The following TRIM49 variants were observed in gnomAD, a reference collection of about 807,000 sequenced individuals.
TRIM49 encodes tripartite motif-containing protein 49.
A neutral mutation model predicts 27.4 loss-of-function variants in TRIM49; 5 were observed. That is an observed-to-expected ratio of 0.18 (90% CI 0.10 to 0.38). TRIM49 has a LOEUF of 0.38. TRIM49 is among the 10% of genes least tolerant of loss of function. TRIM49 has a pLI of 1.00. For synonymous variants in TRIM49, 69 were observed against 166.0 expected (o/e 0.42, Z 4.49); for missense variants, 188 against 487.5 (o/e 0.39, Z 5.79).
the TRIM49 span, among the ~76,000 whole-genome samples, chr11:89,790,091 G>C: frequency 7.3e-6 from 1 of 136,854 alleles, no homozygotes; most frequent in Admixed American, 7.3e-5. Flanking sequence ...CTTAGCAAAC[G>C]GCACACCAGG....
chr11:89,806,676 A>T (rs2134648827), intron 2 of TRIM49, among the ~76,000 whole-genome samples: 1 of 146,154 alleles, frequency 6.8e-6, no homozygotes, highest in Non-Finnish European at 1.5e-5. Context: ...ACTATTTTGC[A>T]TCGCTCATCA....
At chr11:89,800,668 G>A (rs1015502297) in intron 6 of TRIM49, among the ~76,000 whole-genome samples, 2 of 150,312 alleles carry the variant, frequency 1.3e-5, no homozygotes, top group African/African-American at 2.5e-5. Context: ...GTGTGAACCC[G>A]GGAGGCGGAG....
downstream of TRIM49, among the ~76,000 whole-genome samples, chr11:89,793,870 T>A (rs654143): frequency 0.17 from 25,108 of 145,618 alleles, 124 homozygotes; most frequent in African/African-American, 0.3. Flanking sequence ...CCAACACAGT[T>A]TTGGAAGTTC....
intron 2 of TRIM49, among the ~76,000 whole-genome samples, chr11:89,804,910 G>T (rs1158337123): frequency 6.6e-6 from 1 of 150,624 alleles, no homozygotes; most frequent in Non-Finnish European, 1.5e-5. Context: ...ATGAGAAGAT[G>T]GTTCTATGAC....
chr11:89,775,394 CAA>C, the TRIM49 span, among the ~76,000 whole-genome samples: 9 of 77,784 alleles, frequency 1.2e-4, no homozygotes, highest in Non-Finnish European at 1.4e-4. Context: ...CAACAACAAC[CAA>C]AAAAAAAAAA....
Position 89,807,689 on chromosome 11 carries a change from T to C in TRIM49, c.-190-405A>G, listed in dbSNP as rs1208941146. ...GACTTTAGGCTCACACTATATCACC[T>C]GGCTAATTTTTTTTGTTGAAATTTT... On this transcript the variant is annotated intron_variant, in intron 1 of 7. Coordinates refer to ENST00000329758, the MANE Select transcript of TRIM49 (RefSeq NM_020358.2). 1.3e-4 allele frequency among the ~76,000 whole-genome samples: 19 copies of C among 151,044 alleles called. 1 individual carries two copies. The highest frequency in any genetic ancestry group is 4.4e-4 in the African/African-American group (18 of 40,500).
the TRIM49 span, chr11:89,786,868 C>T: frequency 2.4e-5 from 1 of 42,402 alleles, no homozygotes; most frequent in Admixed American, 2.6e-4. Context: ...GGCACGCTAT[C>T]ATCACCAACT....
At chr11:89,803,263 C>T (rs1238846076) in intron 4 of TRIM49, among the ~76,000 whole-genome samples, 1 of 145,062 alleles carries the variant, frequency 6.9e-6, no homozygotes, top group East Asian at 2.0e-4. Context: ...GTCACTTTTT[C>T]TGCCTCAAAT....
chr11:89,787,536 C>T, the TRIM49 span: 9 of 623,614 alleles, frequency 1.4e-5, 1 homozygote, highest in Admixed American at 1.8e-4. Context: ...CTGCCGGGGT[C>T]CTGGGGCTCT....
chr11:89,790,477 A>T, the TRIM49 span, among the ~76,000 whole-genome samples: 8 of 151,926 alleles, frequency 5.3e-5, no homozygotes, highest in Non-Finnish European at 1.0e-4. Flanking sequence ...GTCCCTGAGT[A>T]GCCTAACCAG....
the TRIM49 span, chr11:89,767,078 AG>A: frequency 2.1e-6 from 1 of 474,968 alleles, no homozygotes; most frequent in Non-Finnish European, 3.6e-6. Flanking sequence ...TTTCCACTGT[AG>A]AAAAAAGAGA....
At chr11:89,794,483 A>G (rs1326720045), downstream of TRIM49, among the ~76,000 whole-genome samples, 1 of 151,578 alleles carries the variant, frequency 6.6e-6, no homozygotes, top group Non-Finnish European at 1.5e-5. Context: ...CTTGACTTCA[A>G]ACTATACTGC....
intron 6 of TRIM49, 157 bp from the exon 7 acceptor site, chr11:89,799,970 T>C: frequency 4.9e-6 from 3 of 613,004 alleles, no homozygotes; most frequent in Non-Finnish European, 8.6e-6. Context: ...CTTTACAGTT[T>C]CTAAATTTTA....
chr11:89,796,133 A>G (rs564109773), downstream of TRIM49, among the ~76,000 whole-genome samples: 80 of 152,088 alleles, frequency 5.3e-4, no homozygotes, highest in Middle Eastern at 0.01. Flanking sequence ...CTAAGCAAAC[A>G]TGTAGCTATC....
chr11:89,775,747 T>A, the TRIM49 span, among the ~76,000 whole-genome samples: 1 of 135,262 alleles, frequency 7.4e-6, no homozygotes, highest in South Asian at 2.3e-4. Context: ...TTACATTTAA[T>A]GTATTGAAAG....
chr11:89,775,703 A>T, the TRIM49 span, among the ~76,000 whole-genome samples: 1 of 134,014 alleles, frequency 7.5e-6, no homozygotes, highest in Non-Finnish European at 1.5e-5. Context: ...GCAATGGGAA[A>T]AAACTTTCCT....
At chr11:89,775,595 A>G in the TRIM49 span, among the ~76,000 whole-genome samples, 3 of 132,134 alleles carry the variant, frequency 2.3e-5, no homozygotes, top group African/African-American at 1.1e-4. Flanking sequence ...TTGTTATTTT[A>G]GAAGATAATT....
chr11:89,773,423 T>C, the TRIM49 span, among the ~76,000 whole-genome samples: 1 of 117,288 alleles, frequency 8.5e-6, no homozygotes, highest in Admixed American at 7.7e-5. Context: ...AAATAGACTA[T>C]AAGAAAATCA....
downstream of TRIM49, among the ~76,000 whole-genome samples, chr11:89,795,891 A>T (rs1405675510): frequency 6.6e-6 from 1 of 151,936 alleles, no homozygotes. Flanking sequence ...ATAATGAAAA[A>T]AAAAATCAAA....
Sources: gnomAD v4.1 joint callset for allele counts (sites outside exome capture counted in the v4.1 genomes callset) on GRCh38, gnomAD v4.1.1 for gene constraint, MANE v1.5 for transcripts, NCBI Gene and HGNC (gene_info 2026-07-23, HGNC 2026-07-21) for gene names.